Variants in ZNF469 observed in about 807,000 individuals in gnomAD.
ZNF469 encodes zinc finger protein 469.
In ZNF469, 1 loss-of-function variant was observed where a neutral mutation model predicts 1.0. The observed-to-expected ratio is 1.00, with a 90% CI of 0.35 to 4.73. The LOEUF (loss-of-function observed/expected upper bound fraction) is 4.73. ZNF469 is among the 30% of genes most tolerant of loss of function. The probability of loss-of-function intolerance (pLI) is 0.16; values close to 1 mark genes in which losing one functional copy is unlikely to be tolerated. For synonymous variants in ZNF469, 2,703 were observed against 2,363.4 expected, an observed-to-expected ratio of 1.14 and a Z score of -4.17; for missense variants, 6,100 against 5,356.3, an observed-to-expected ratio of 1.14 and a Z score of -4.33.
the ZNF469 span, among the ~76,000 whole-genome samples, chr16:88,324,724 A>G: frequency 6.6e-6 from 1 of 152,182 alleles, no homozygotes; most frequent in Non-Finnish European, 1.5e-5. Flanking sequence ...AAATCTCTAG[A>G]AAGGGGGCGG....
the ZNF469 span, among the ~76,000 whole-genome samples, chr16:88,248,604 T>A: frequency 2.6e-5 from 4 of 152,182 alleles, no homozygotes; most frequent in Admixed American, 6.5e-5. Context: ...GCTATAATAG[T>A]ACCATGAGAG....
Position 88,432,803 on chromosome 16 carries a change from C to G in ZNF469, c.5333C>G (p.Pro1778Arg), listed in dbSNP as rs1463000836. The G allele has an allele frequency of 6.5e-7, 1 of 1,550,258 alleles. No homozygotes were observed. Among genetic ancestry groups the G allele is most frequent in the Admixed American group, 2.0e-5 (1 of 50,992 alleles). Reference protein sequence around the residue: ...LPCEQRGGFLPEPGTADQPHR... With the variant: ...LPCEQRGGFLREPGTADQPHR... ...TGTGAACAGAGAGGAGGGTTCCTCC[C>G]AGAGCCCGGCACAGCAGACCAGCCC... Residue 1778 changes from proline (P) to arginine (R), a missense_variant, in exon 3 of 3, where the codon CCA becomes CGA. Transcript: ENST00000565624.
the ZNF469 span, among the ~76,000 whole-genome samples, chr16:88,259,017 G>A: frequency 7.2e-5 from 11 of 152,356 alleles, no homozygotes; most frequent in East Asian, 1.9e-3. This position sits in a 1 kb window ranked among gnomAD's most constrained non-coding sequence, Gnocchi z 4.1. Flanking sequence ...GTTCTCAGGG[G>A]TGACTGAGCA....
the ZNF469 span, among the ~76,000 whole-genome samples, chr16:88,256,183 A>C: frequency 6.6e-6 from 1 of 152,178 alleles, no homozygotes; most frequent in Admixed American, 6.5e-5. Context: ...TCACCGCCCT[A>C]AAAATCCTCT....
At chr16:88,278,766 A>T in the ZNF469 span, among the ~76,000 whole-genome samples, 5 of 134,292 alleles carry the variant, frequency 3.7e-5, 1 homozygote, top group Non-Finnish European at 8.3e-5. Context: ...CGCCACGCCG[A>T]CACTTGGTCA....
At chr16:88,293,233 G>T in the ZNF469 span, among the ~76,000 whole-genome samples, 39 of 152,010 alleles carry the variant, frequency 2.6e-4, no homozygotes, top group African/African-American at 9.2e-4. Flanking sequence ...TAGATGGGTG[G>T]ATGAATGGAT....
chr16:88,131,513 G>C, the ZNF469 span, among the ~76,000 whole-genome samples: 5 of 132,950 alleles, frequency 3.8e-5, 1 homozygote, highest in Admixed American at 2.4e-4. Flanking sequence ...CTGCCTTCCC[G>C]GGGGCCCAGG....
chr16:88,298,675 G>C, the ZNF469 span, among the ~76,000 whole-genome samples: 36 of 152,234 alleles, frequency 2.4e-4, no homozygotes, highest in African/African-American at 8.2e-4. Context: ...ACGGAGGGAG[G>C]CAATGTTCTG....
chr16:88,158,818 G>A, the ZNF469 span, among the ~76,000 whole-genome samples: 1 of 152,170 alleles, frequency 6.6e-6, no homozygotes, highest in African/African-American at 2.4e-5. Context: ...GCACCGGGCA[G>A]TGCAGGGGGG....
chr16:88,314,545 T>C, the ZNF469 span, among the ~76,000 whole-genome samples: 6 of 149,648 alleles, frequency 4.0e-5, no homozygotes, highest in African/African-American at 1.5e-4. Flanking sequence ...ATTATGATGA[T>C]GCTGGTGTGG....
the ZNF469 span, among the ~76,000 whole-genome samples, chr16:88,148,112 C>T: frequency 1.2e-4 from 19 of 152,070 alleles, no homozygotes; most frequent in Non-Finnish European, 2.2e-4. Context: ...GTTGTGTGTA[C>T]GCCAGCGGTC....
In ZNF469 at chr16:88,438,186, C is replaced by T. The variant is rs928356397; in HGVS notation, c.10716C>T (p.Asp3572=). Residue 3572 remains aspartate (D), a synonymous_variant, in exon 3 of 3, where the codon GAC becomes GAT. Transcript: ENST00000565624. ...LADGRGDCAL[D]GALERPENEA... is the part of the protein sequence containing the mutation. ...ATGGCAGAGGAGACTGCGCGCTGGA[C>T]GGAGCCCTGGAGAGGCCAGAGAACG... 7.7e-6 allele frequency: 12 copies of T among 1,548,708 alleles called. No individual in the cohort carries two copies. The highest frequency in any genetic ancestry group is 2.4e-5 in the East Asian group (1 of 40,894).
chr16:88,351,898 C>T, the ZNF469 span, among the ~76,000 whole-genome samples: 1 of 152,198 alleles, frequency 6.6e-6, no homozygotes, highest in African/African-American at 2.4e-5. Context: ...TAGTGGGTTT[C>T]GAAACTGGGT....
the ZNF469 span, among the ~76,000 whole-genome samples, chr16:88,257,264 G>T: frequency 5.9e-5 from 9 of 152,054 alleles, no homozygotes; most frequent in African/African-American, 1.9e-4. Flanking sequence ...GTGCCCAGCC[G>T]GGAGCATCTT....
At chr16:88,125,318 C>G in the ZNF469 span, among the ~76,000 whole-genome samples, 1 of 152,098 alleles carries the variant, frequency 6.6e-6, no homozygotes, top group Non-Finnish European at 1.5e-5. Flanking sequence ...ATTATTTTAG[C>G]TATTATAGAT....
the ZNF469 span, among the ~76,000 whole-genome samples, chr16:88,245,094 T>C: frequency 1.3e-5 from 2 of 152,040 alleles, no homozygotes; most frequent in African/African-American, 4.8e-5. Context: ...GCATTTGGTC[T>C]CTGTGGACCC....
At chr16:88,194,667 G>A in the ZNF469 span, 16 of 152,256 alleles carry the variant, frequency 1.1e-4, no homozygotes, top group African/African-American at 3.9e-4. Flanking sequence ...TTTGTGACTT[G>A]ATCAGGGTAG....
the ZNF469 span, among the ~76,000 whole-genome samples, chr16:88,318,502 C>A: frequency 6.6e-6 from 1 of 152,250 alleles, no homozygotes; most frequent in Non-Finnish European, 1.5e-5. Context: ...AGGCAATTCT[C>A]CCCCCAGCCC....
intron 1 of ZNF469, among the ~76,000 whole-genome samples, chr16:88,389,692 G>A (rs1335379607): frequency 6.6e-6 from 1 of 152,212 alleles, no homozygotes; most frequent in Non-Finnish European, 1.5e-5. Flanking sequence ...AGGACCACAC[G>A]ACTGGGAATG....
Sources: gnomAD v4.1 joint callset for allele counts (sites outside exome capture counted in the v4.1 genomes callset) on GRCh38, gnomAD v4.1.1 for gene constraint, Gnocchi (gnomAD v3.1) non-coding constraint, MANE v1.5 for transcripts, NCBI Gene and HGNC (gene_info 2026-07-23, HGNC 2026-07-21) for gene names.